RBM25: variants seen among roughly 807,000 people sequenced by gnomAD.
RBM25 encodes RNA binding motif protein 25, also known as RNA-binding protein 25.
In RBM25, 19 loss-of-function variants were observed where a neutral mutation model predicts 120.7. The ratio of observed to expected loss-of-function variants is 0.16; its 90% CI spans 0.11 to 0.23. RBM25 has a LOEUF of 0.23. Ranked by LOEUF, RBM25 falls within the 10% of genes least tolerant of loss-of-function variation. The probability of loss-of-function intolerance (pLI) is 1.00; values close to 1 mark genes in which losing one functional copy is unlikely to be tolerated. For synonymous variants in RBM25, 390 were observed against 326.7 expected (o/e 1.19, Z -2.09); for missense variants, 605 against 1,041.5 (o/e 0.58, Z 5.77).
chr14:73,062,889 C>T lies in RBM25; in HGVS notation c.-16+4184C>T, dbSNP rs1336467197. 2.7e-5 allele frequency among the ~76,000 whole-genome samples: 4 copies of T among 150,734 alleles called. No individual in the cohort carries two copies. The East Asian group carries it at 5.8e-4, about 22-fold the overall frequency. ...AGGCTTGAGTGCAGTGGTGTGAGCTCGGCTCATTGCAACCTCCACCTCCCG... is the reference window on the plus strand; with the variant it reads ...AGGCTTGAGTGCAGTGGTGTGAGCTTGGCTCATTGCAACCTCCACCTCCCG... On this transcript the variant is annotated intron_variant, in intron 1 of 18. Coordinates refer to ENST00000261973, the MANE Select transcript of RBM25 (RefSeq NM_021239.3).
intron 1 of RBM25, among the ~76,000 whole-genome samples, chr14:73,070,715 G>A (rs574584233): frequency 2.0e-5 from 3 of 152,146 alleles, no homozygotes; most frequent in Non-Finnish European, 4.4e-5. Context: ...TTGGGAAGCT[G>A]AGTCAGGCAG....
rs71112704 is a variant in RBM25 at position 73,117,210 on chromosome 14, CTTTTTTTTTTTTTTTTTTTT to C, written c.2440-2488_2440-2469del. Among the ~76,000 whole-genome samples, 78 of 49,450 alleles carry C rather than the reference CTTTTTTTTTTTTTTTTTTTT, an allele frequency of 1.6e-3. 1 individual carries two copies. The East Asian group carries it at 0.028, about 18-fold the overall frequency. 32.4% of individuals were successfully genotyped at this position (49,450 alleles called of 152,430 possible). Reference sequence around the variant, plus strand: ...TTTCTTTTAATTTCTTTCTTCTTTTCTTTTTTTTTTTTTTTTTTTTTTTTTTTTTTTTTTGAGACAGAGTC... The same window carrying C: ...TTTCTTTTAATTTCTTTCTTCTTTTCTTTTTTTTTTTTTTGAGACAGAGTC... On this transcript the variant is annotated intron_variant, in intron 18 of 18. Transcript: ENST00000261973.
At chr14:73,095,986 T>A (rs536499426) in intron 6 of RBM25, among the ~76,000 whole-genome samples, 13 of 152,192 alleles carry the variant, frequency 8.5e-5, no homozygotes, top group Admixed American at 5.9e-4. Context: ...AAATAATAAT[T>A]ATTATTATTG....
chr14:73,073,259 G>A (rs1441071362), intron 2 of RBM25, among the ~76,000 whole-genome samples: 2 of 152,036 alleles, frequency 1.3e-5, no homozygotes, highest in Non-Finnish European at 2.9e-5. Flanking sequence ...ACTACTCATT[G>A]TAAAATTTTT....
chr14:73,103,759 A>T (rs1400628318), intron 10 of RBM25, among the ~76,000 whole-genome samples: 1 of 151,734 alleles, frequency 6.6e-6, no homozygotes, highest in Non-Finnish European at 1.5e-5. Flanking sequence ...TTGCCATGTT[A>T]ATCAGCCTGG....
At chr14:73,071,240 CAAAA>C (rs11325196) in intron 1 of RBM25, among the ~76,000 whole-genome samples, 3 of 108,852 alleles carry the variant, frequency 2.8e-5, no homozygotes. Flanking sequence ...GACTCTGTCT[CAAAA>C]AAAAAAAAAA....
At chr14:73,077,338 G>T in intron 3 of RBM25, 31 bp from the exon 4 acceptor site, 1 of 1,551,294 alleles carries the variant, frequency 6.4e-7, no homozygotes, top group South Asian at 1.2e-5. Context: ...TTAATTGCTG[G>T]ATCAATTTTT....
At chr14:73,063,574 T>G (rs1218163763) in intron 1 of RBM25, among the ~76,000 whole-genome samples, 2 of 151,512 alleles carry the variant, frequency 1.3e-5, no homozygotes, top group South Asian at 4.1e-4. Flanking sequence ...TTCTCTCTTT[T>G]AAATCCCACA....
Position 73,099,424 on chromosome 14 carries a change from C to T in RBM25, c.774C>T (p.Leu258=), listed in dbSNP as rs1431930595. ...TGGCCCCACTGATCCCTTATCCACT[C>T]ATCACTAAGGTTAGTTTAAATTGTA... is the stretch of plus-strand genomic sequence containing the variant. ...FPVAPLIPYP[L]ITKEDINAIE... Residue 258 remains leucine (L), a synonymous_variant, in exon 8 of 19, where the codon CTC becomes CTT. Transcript: ENST00000261973. 6.2e-7 allele frequency: 1 copy of T among 1,608,412 alleles called. No homozygotes were observed. The highest frequency in any genetic ancestry group is 2.2e-5 in the East Asian group (1 of 44,830).
chr14:73,067,067 A>AT (rs375705058), intron 1 of RBM25, among the ~76,000 whole-genome samples: 8,659 of 131,184 alleles, frequency 0.066, 379 homozygotes, highest in Middle Eastern at 0.093. Context: ...GATACATATA[A>AT]TTTTTTTTTT....
intron 7 of RBM25, among the ~76,000 whole-genome samples, chr14:73,098,237 C>G (rs937777510): frequency 2.0e-5 from 3 of 152,176 alleles, no homozygotes; most frequent in Non-Finnish European, 2.9e-5. Context: ...TAAAGTGATC[C>G]TCATGTGTTA....
At chr14:73,077,649 T>A in intron 4 of RBM25, 113 bp downstream of exon 4, 1 of 963,718 alleles carries the variant, frequency 1.0e-6, no homozygotes, top group Non-Finnish European at 1.5e-6. Flanking sequence ...ATTTCAGTCC[T>A]GCAGCAAAGG....
At chr14:73,087,913 T>G in intron 5 of RBM25, 88 bp from the exon 6 acceptor site, 2 of 1,318,372 alleles carry the variant, frequency 1.5e-6, no homozygotes, top group South Asian at 2.9e-5. Context: ...TATTAAAACA[T>G]TTGGACTCTA....
At chr14:73,085,000 T>C (rs1172284461) in intron 5 of RBM25, among the ~76,000 whole-genome samples, 1 of 151,966 alleles carries the variant, frequency 6.6e-6, no homozygotes, top group Non-Finnish European at 1.5e-5. Context: ...ATTAATTCAT[T>C]AGGAAGTAAT....
Position 73,121,609 on chromosome 14 carries a change from C to T in RBM25, c.*1804C>T, listed in dbSNP as rs547272704. 2 of 152,322 alleles carry T rather than the reference C, an allele frequency of 1.3e-5. No individual in the cohort carries two copies. Among genetic ancestry groups the T allele is most frequent in the East Asian group, 1.9e-4 (1 of 5,190 alleles). The allele number at this position is 152,322 out of a possible 1,614,324, so 9.4% of individuals were successfully genotyped here. On this transcript the variant is annotated 3_prime_UTR_variant, in exon 19 of 19. Transcript: ENST00000261973. ...AGTCTTTTCTTAGACACACCCCCAG[C>T]CTAAGACCTTGTTCGAGGAGTTTAT...
chr14:73,086,027 C>G (rs866369167), intron 5 of RBM25, among the ~76,000 whole-genome samples: 57 of 151,600 alleles, frequency 3.8e-4, no homozygotes, highest in African/African-American at 1.4e-3. Context: ...GCTTTGTTAT[C>G]TGGTATGACA....
intron 4 of RBM25, among the ~76,000 whole-genome samples, chr14:73,078,336 TAAAA>T (rs201495739): frequency 0.013 from 1,935 of 148,906 alleles, 46 homozygotes; most frequent in African/African-American, 0.044. Context: ...AAAATAAAAA[TAAAA>T]AAAAAGCCAG....
intron 1 of RBM25, among the ~76,000 whole-genome samples, chr14:73,061,828 A>G (rs1895013010): frequency 1.3e-5 from 2 of 151,406 alleles, no homozygotes; most frequent in African/African-American, 4.8e-5. Context: ...GTCCTCCCAA[A>G]GTGCTGGGAT....
At chr14:73,103,162 A>G (rs1896088263) in intron 9 of RBM25, 30 bp from the exon 10 acceptor site, 1 of 1,592,498 alleles carries the variant, frequency 6.3e-7, no homozygotes, top group Non-Finnish European at 8.5e-7. Context: ...CTACAGAGTT[A>G]ACTCTAAAAG....
Sources: allele counts gnomAD v4.1 joint callset (sites outside exome capture counted in the v4.1 genomes callset), GRCh38; gene constraint gnomAD v4.1.1; transcripts MANE v1.5; gene names NCBI Gene and HGNC (gene_info 2026-07-23, HGNC 2026-07-21).